KCNU1: variants seen among roughly 807,000 people sequenced by gnomAD.
KCNU1 encodes potassium calcium-activated channel subfamily U member 1.
In KCNU1, 93 loss-of-function variants were observed where a neutral mutation model predicts 126.8. That is an observed-to-expected ratio of 0.73 (90% CI 0.62 to 0.87). The LOEUF (loss-of-function observed/expected upper bound fraction) is 0.87, where lower values mean the gene tolerates loss of function less well. Ranked by LOEUF, KCNU1 falls within the 40% of genes least tolerant of loss-of-function variation. The pLI, the probability that KCNU1 is intolerant of heterozygous loss-of-function variation, is 0.00. For synonymous variants in KCNU1, 523 were observed against 494.2 expected, an observed-to-expected ratio of 1.06 and a Z score of -0.77; for missense variants, 1,330 against 1,367.1, an observed-to-expected ratio of 0.97 and a Z score of 0.43.
In KCNU1 at chr8:36,794,055, CAAAA is replaced by C. The variant is rs747930765; in HGVS notation, c.315+6649_315+6652del. On this transcript the variant is annotated intron_variant, in intron 2 of 26. Transcript: ENST00000399881. ...GGTGACAGAGCGAGACTCTGTCTCTCAAAAAAAAAAAAAAAAAAAAAAGGTCTAT... is the reference window on the plus strand; with the variant it reads ...GGTGACAGAGCGAGACTCTGTCTCTCAAAAAAAAAAAAAAAAAAGGTCTAT... Among the ~76,000 whole-genome samples, 464 of 64,970 alleles carry C rather than the reference CAAAA, an allele frequency of 7.1e-3. 3 individuals are homozygous for C. Among genetic ancestry groups the C allele is most frequent in the African/African-American group, 0.022 (434 of 19,830 alleles). The allele number at this position is 64,970 out of a possible 152,430, so 42.6% of individuals were successfully genotyped here.
At chr8:36,851,663 A>G (rs1321254146) in intron 18 of KCNU1, among the ~76,000 whole-genome samples, 1 of 152,126 alleles carries the variant, frequency 6.6e-6, no homozygotes, top group Non-Finnish European at 1.5e-5. Context: ...TTTTCACATC[A>G]TAGGTTTTGT....
chr8:36,892,953 A>T (rs1010079405), intron 19 of KCNU1, among the ~76,000 whole-genome samples: 1 of 151,764 alleles, frequency 6.6e-6, no homozygotes, highest in African/African-American at 2.4e-5. Context: ...CCTCTATAGA[A>T]GTCTGTTATT....
At chr8:36,921,550 A>C (rs1808346616) in intron 23 of KCNU1, among the ~76,000 whole-genome samples, 1 of 151,510 alleles carries the variant, frequency 6.6e-6, no homozygotes, top group African/African-American at 2.4e-5. Flanking sequence ...ATGGTGGTAC[A>C]TGCCTGTAAT....
chr8:36,800,460 T>G (rs543585857), intron 2 of KCNU1, among the ~76,000 whole-genome samples: 78 of 152,294 alleles, frequency 5.1e-4, no homozygotes, highest in African/African-American at 1.8e-3. Context: ...ACTCTTTCAG[T>G]TAATTTTTCT....
rs139534222 is a variant in KCNU1, at chr8:36,929,429, A to AC, written c.2737-1522_2737-1521insC. 0.016 allele frequency among the ~76,000 whole-genome samples: 2,113 copies of AC among 131,702 alleles called. 138 individuals carry two copies. The East Asian group carries it at 0.21, about 13-fold the overall frequency. The allele number at this position is 131,702 out of a possible 152,430, so 86.4% of individuals were successfully genotyped here. On this transcript the variant is annotated intron_variant, in intron 24 of 26. Coordinates refer to ENST00000399881, the MANE Select transcript of KCNU1 (RefSeq NM_001031836.3). The stretch of plus-strand genomic sequence containing the variant: ...AAAAGAACAAAAAACAAACAAACAA[A>AC]AAAAAACCATGAATTGCTCAAAGGC...
intron 11 of KCNU1, 85 bp downstream of exon 11, chr8:36,833,744 T>C: frequency 1.3e-6 from 1 of 757,718 alleles, no homozygotes; most frequent in Non-Finnish European, 2.2e-6. Context: ...TTAAAAAAGG[T>C]ATTATTTCAG....
At chr8:36,903,737 G>A (rs1186575527) in intron 19 of KCNU1, among the ~76,000 whole-genome samples, 2 of 152,116 alleles carry the variant, frequency 1.3e-5, no homozygotes, top group African/African-American at 2.4e-5. Flanking sequence ...AATTTATAAA[G>A]GAAAGAGGTT....
chr8:36,835,159 T>C (rs375697916), intron 12 of KCNU1, among the ~76,000 whole-genome samples: 3 of 152,292 alleles, frequency 2.0e-5, no homozygotes, highest in African/African-American at 7.2e-5. Context: ...AATAACTGAT[T>C]ATTGTTCAGA....
rs375664035 is a variant in KCNU1 at position 36,805,395 on chromosome 8, A to T, written c.468+110A>T. On this transcript the variant is annotated intron_variant, in intron 4 of 26. Coordinates refer to ENST00000399881, the MANE Select transcript of KCNU1 (RefSeq NM_001031836.3). ...TCTGCCCGAGTTTTCAACTCTAAAG[A>T]TAGCTAATCTGTGCCCTAACTTGTT... is the stretch of plus-strand genomic sequence containing the variant. 60 of 680,596 alleles carry T rather than the reference A, an allele frequency of 8.8e-5. No homozygotes were observed. The East Asian group carries it at 9.6e-4, about 11-fold the overall frequency. 42.2% of individuals were successfully genotyped at this position (680,596 alleles called of 1,614,324 possible). A position where few individuals can be genotyped will look rare whatever the true frequency, so the allele number is the denominator to read the frequency against.
At chr8:36,927,232 G>A (rs919790355) in intron 24 of KCNU1, among the ~76,000 whole-genome samples, 17 of 152,074 alleles carry the variant, frequency 1.1e-4, no homozygotes, top group Non-Finnish European at 2.2e-4. Flanking sequence ...TTTCAATGTA[G>A]AATAATAGGT....
At position 36,839,755 on chromosome 8, in the gene KCNU1, A is replaced by G. The variant is rs182469476; in HGVS notation, c.1519-708A>G. Among the ~76,000 whole-genome samples, 26 of 152,322 alleles carry G rather than the reference A, an allele frequency of 1.7e-4. No homozygotes were observed. In the East Asian group the frequency reaches 4.4e-3, roughly 26 times the overall value. ...TCGGTTTTAAGAAGACTGTCTTGCC[A>G]TATCAGAACAGTGTGGTGGTGATTC... is the stretch of plus-strand genomic sequence containing the variant. On this transcript the variant is annotated intron_variant, in intron 14 of 26. Coordinates refer to ENST00000399881, the MANE Select transcript of KCNU1 (RefSeq NM_001031836.3).
intron 10 of KCNU1, among the ~76,000 whole-genome samples, chr8:36,830,248 T>C (rs536406408): frequency 1.3e-5 from 2 of 151,524 alleles, no homozygotes; most frequent in Non-Finnish European, 3.0e-5. Context: ...ACATCAAATA[T>C]AACGTTGAAA....
At chr8:36,796,305 T>A (rs1159708758) in intron 2 of KCNU1, among the ~76,000 whole-genome samples, 1 of 152,186 alleles carries the variant, frequency 6.6e-6, no homozygotes, top group Non-Finnish European at 1.5e-5. Flanking sequence ...GGAGAAATTC[T>A]TTGTTGCCTA....
intron 24 of KCNU1, 76 bp downstream of exon 24, chr8:36,922,705 TA>T (rs1048775444): frequency 7.0e-7 from 1 of 1,432,816 alleles, no homozygotes; most frequent in African/African-American, 1.4e-5. Flanking sequence ...TAAGGCTGAG[TA>T]GATGATAACA....
chr8:36,861,674 T>A (rs1805735297), intron 18 of KCNU1, among the ~76,000 whole-genome samples: 1 of 152,168 alleles, frequency 6.6e-6, no homozygotes, highest in Admixed American at 6.6e-5. Flanking sequence ...ATTGCAACAA[T>A]TTAGCTATTT....
chr8:36,881,626 G>A (rs1305832006), intron 19 of KCNU1, among the ~76,000 whole-genome samples: 1 of 152,044 alleles, frequency 6.6e-6, no homozygotes, highest in Non-Finnish European at 1.5e-5. Context: ...ACAAAGTACT[G>A]GCATATTATA....
chr8:36,859,018 T>C (rs1329853612), intron 18 of KCNU1, among the ~76,000 whole-genome samples: 1 of 152,176 alleles, frequency 6.6e-6, no homozygotes, highest in Non-Finnish European at 1.5e-5. Flanking sequence ...ACTGAGATTC[T>C]AAAGCAACAA....
chr8:36,833,644 T>C lies in KCNU1; in HGVS notation c.1197T>C (p.Asp399=). The stretch of plus-strand genomic sequence containing the variant: ...CTGGATCTGCAATGAAGTGGGAGGA[T>C]CTGAGGCGAGTTGCGGTAAGATCTA... ...FISGSAMKWE[D]LRRVAVESAE... is the part of the protein sequence containing the mutation. The change falls in exon 11 of 27, where the codon GAT becomes GAC. Residue 399 remains aspartate, a synonymous_variant. Coordinates refer to ENST00000399881, the MANE Select transcript of KCNU1 (RefSeq NM_001031836.3). 6.2e-7 allele frequency: 1 copy of C among 1,607,992 alleles called. No homozygotes were observed. The highest frequency in any genetic ancestry group is 1.1e-5 in the South Asian group (1 of 90,926).
chr8:36,928,742 A>G (rs1308651055), intron 24 of KCNU1, among the ~76,000 whole-genome samples: 1 of 152,152 alleles, frequency 6.6e-6, no homozygotes, highest in Non-Finnish European at 1.5e-5. Flanking sequence ...TGTTCAGTGC[A>G]CCACTGAGGA....
Sources: gnomAD v4.1 joint callset for allele counts (sites outside exome capture counted in the v4.1 genomes callset) on GRCh38, gnomAD v4.1.1 for gene constraint, MANE v1.5 for transcripts, NCBI Gene and HGNC (gene_info 2026-07-23, HGNC 2026-07-21) for gene names.